AGMO: variants seen among roughly 807,000 people sequenced by gnomAD.
AGMO encodes glyceryl-ether monooxygenase.
A neutral mutation model predicts 60.2 loss-of-function variants in AGMO; 75 were observed. The ratio of observed to expected loss-of-function variants is 1.25; its 90% CI spans 1.03 to 1.51. AGMO has a LOEUF of 1.51. Among genes scored for constraint, AGMO ranks in the 40% most tolerant of loss-of-function variants. The pLI is 0.00. For missense variants in AGMO, 763 were observed against 525.5 expected (o/e 1.45, Z -4.42); for synonymous variants, 261 against 177.1 (o/e 1.47, Z -3.76).
intron 10 of AGMO, among the ~76,000 whole-genome samples, chr7:15,377,928 G>C (rs1178680627): frequency 6.6e-6 from 1 of 152,000 alleles, no homozygotes; most frequent in Non-Finnish European, 1.5e-5. Flanking sequence ...AAAAGCTTTG[G>C]TCCAAAAAGA....
At chr7:15,511,229 C>G (rs2128530320) in intron 3 of AGMO, among the ~76,000 whole-genome samples, 1 of 152,234 alleles carries the variant, frequency 6.6e-6, no homozygotes, top group Middle Eastern at 3.4e-3. Context: ...CCCACATGCA[C>G]TCATGCAGGA....
the AGMO span, among the ~76,000 whole-genome samples, chr7:15,177,955 C>A: frequency 1.1e-4 from 16 of 152,072 alleles, no homozygotes; most frequent in African/African-American, 3.9e-4. Context: ...AAATTAAAAT[C>A]GATTTTCATT....
intron 3 of AGMO, among the ~76,000 whole-genome samples, chr7:15,531,393 CTATATATATAT>C (rs1784342319): frequency 5.5e-5 from 3 of 54,758 alleles, no homozygotes; most frequent in Admixed American, 3.0e-4. Context: ...TATATATATT[CTATATATATAT>C]TCTATATATA....
intron 12 of AGMO, among the ~76,000 whole-genome samples, chr7:15,364,983 C>G (rs1171734244): frequency 1.3e-5 from 2 of 151,820 alleles, no homozygotes; most frequent in Non-Finnish European, 2.9e-5. Context: ...AATATAGACC[C>G]AAAAGTTCAA....
the AGMO span, among the ~76,000 whole-genome samples, chr7:15,118,097 A>G: frequency 1.1e-4 from 16 of 151,750 alleles, no homozygotes; most frequent in Non-Finnish European, 1.2e-4. Flanking sequence ...CCAACTAAAT[A>G]TCAATATTAT....
chr7:15,522,025 A>G (rs1353556238), intron 3 of AGMO, among the ~76,000 whole-genome samples: 1 of 152,222 alleles, frequency 6.6e-6, no homozygotes, highest in Non-Finnish European at 1.5e-5. Context: ...TCAATGTGCA[A>G]AAATCACAAG....
Position 15,317,966 on chromosome 7 carries a change from AT to A in AGMO, c.1263+47547del, listed in dbSNP as rs1780989446. 1.4e-5 allele frequency among the ~76,000 whole-genome samples: 2 copies of A among 147,324 alleles called. 1 individual carries two copies. The highest frequency in any genetic ancestry group is 3.0e-5 in the Non-Finnish European group (2 of 67,726). On this transcript the variant is annotated intron_variant, in intron 12 of 12. Transcript: ENST00000342526. ...ACACACACACACACTATATATATATATACACACACACGTATATATATATACA... is the reference window on the plus strand; with the variant it reads ...ACACACACACACACTATATATATATAACACACACACGTATATATATATACA...
the AGMO span, among the ~76,000 whole-genome samples, chr7:15,168,238 G>A: frequency 6.6e-6 from 1 of 152,172 alleles, no homozygotes; most frequent in South Asian, 2.1e-4. Context: ...CCTACTGAAG[G>A]GAGAGGAGAT....
intron 3 of AGMO, among the ~76,000 whole-genome samples, chr7:15,517,826 C>T (rs10255153): frequency 0.043 from 6,479 of 152,032 alleles, 470 homozygotes; most frequent in African/African-American, 0.15. Flanking sequence ...GACAGAACTG[C>T]TCACTTCCCT....
At chr7:15,313,216 T>C (rs1236171392) in intron 12 of AGMO, among the ~76,000 whole-genome samples, 1 of 152,184 alleles carries the variant, frequency 6.6e-6, no homozygotes, top group Admixed American at 6.5e-5. Flanking sequence ...TGATCCCCTG[T>C]AGTAAAAGTT....
chr7:15,465,349 A>G (rs528573731), intron 3 of AGMO, among the ~76,000 whole-genome samples: 5 of 150,330 alleles, frequency 3.3e-5, no homozygotes, highest in African/African-American at 1.2e-4. Flanking sequence ...GTGTGTGTAT[A>G]TACACACGCA....
chr7:15,356,185 G>T (rs1399684762), intron 12 of AGMO, among the ~76,000 whole-genome samples: 3 of 152,060 alleles, frequency 2.0e-5, no homozygotes, highest in Non-Finnish European at 2.9e-5. Flanking sequence ...CTACAATCCA[G>T]CAATTCCCAT....
At chr7:15,487,176 C>G (rs10251581) in intron 3 of AGMO, among the ~76,000 whole-genome samples, 18,812 of 152,074 alleles carry the variant, frequency 0.12, 1,262 homozygotes, top group Non-Finnish European at 0.15. Context: ...ATTTTACACT[C>G]CAACTTGGTG....
At position 15,474,925 on chromosome 7, in the gene AGMO, C is replaced by T. The variant is rs1047084691; in HGVS notation, c.410-43817G>A. Among the ~76,000 whole-genome samples the T allele has an allele frequency of 4.0e-5, 6 of 151,622 alleles. No homozygotes were observed. The East Asian group carries it at 5.8e-4, about 15-fold the overall frequency. ...TCTCAAAAGAAGACATTTATGTGGC[C>T]GACAAACATGAAAAAAAGCTCATCA... On this transcript the variant is annotated intron_variant, in intron 3 of 12. Coordinates refer to ENST00000342526, the MANE Select transcript of AGMO (RefSeq NM_001004320.2).
chr7:15,343,738 C>T (rs537498483), intron 12 of AGMO, among the ~76,000 whole-genome samples: 20 of 152,056 alleles, frequency 1.3e-4, no homozygotes, highest in Non-Finnish European at 2.6e-4. Context: ...CCACAAGCCT[C>T]TAATAAAATT....
intron 3 of AGMO, among the ~76,000 whole-genome samples, chr7:15,504,543 T>C (rs1272864727): frequency 6.6e-6 from 1 of 152,046 alleles, no homozygotes; most frequent in Non-Finnish European, 1.5e-5. Context: ...TCCTACTCAC[T>C]GTCGCTCAAC....
intron 12 of AGMO, among the ~76,000 whole-genome samples, chr7:15,325,772 T>C (rs1158390532): frequency 5.3e-5 from 8 of 152,196 alleles, no homozygotes; most frequent in African/African-American, 1.9e-4. Context: ...GAACCCTGTA[T>C]ATTAATTTTT....
chr7:15,299,578 C>G (rs978352993), intron 12 of AGMO, among the ~76,000 whole-genome samples: 6 of 152,076 alleles, frequency 3.9e-5, no homozygotes, highest in South Asian at 2.1e-4. Flanking sequence ...GTAATTCTAG[C>G]ACTTTGGGAG....
At chr7:15,451,688 G>T (rs1781860051) in intron 3 of AGMO, among the ~76,000 whole-genome samples, 1 of 152,036 alleles carries the variant, frequency 6.6e-6, no homozygotes, top group African/African-American at 2.4e-5. Flanking sequence ...AGTGATAAAA[G>T]AAAAACTTCG....
Sources: allele counts gnomAD v4.1 joint callset (sites outside exome capture counted in the v4.1 genomes callset), GRCh38; gene constraint gnomAD v4.1.1; transcripts MANE v1.5; gene names NCBI Gene and HGNC (gene_info 2026-07-23, HGNC 2026-07-21).